The following LINS1 variants were observed in gnomAD, a reference collection of about 807,000 sequenced individuals.
The protein encoded by LINS1 is protein Lines homolog 1.
In LINS1, 27 loss-of-function variants were observed where a neutral mutation model predicts 41.6. The observed-to-expected ratio is 0.65, with a 90% CI of 0.48 to 0.89. LINS1 has a LOEUF of 0.89. Ranked by LOEUF, LINS1 falls within the 40% of genes least tolerant of loss-of-function variation. The probability of loss-of-function intolerance (pLI) is 0.00; values close to 1 mark genes in which losing one functional copy is unlikely to be tolerated. For synonymous variants in LINS1, 336 were observed against 312.9 expected (o/e 1.07, Z -0.78); for missense variants, 955 against 884.1 (o/e 1.08, Z -1.02).
intron 1 of LINS1, among the ~76,000 whole-genome samples, chr15:100,597,212 G>T (rs2039288767): frequency 6.6e-6 from 1 of 151,814 alleles, no homozygotes; most frequent in Non-Finnish European, 1.5e-5. Flanking sequence ...CTGGCCTACT[G>T]GCAACAGTAT....
intron 1 of LINS1, among the ~76,000 whole-genome samples, chr15:100,590,982 C>A (rs1189199048): frequency 6.6e-6 from 1 of 152,008 alleles, no homozygotes; most frequent in African/African-American, 2.4e-5. Context: ...AGTTTGAGAC[C>A]AGCCTGGCCA....
At position 100,580,270 on chromosome 15, in the gene LINS1, C is replaced by T; in HGVS notation, c.482G>A (p.Arg161Lys). Residue 161 changes from arginine (R) to lysine (K), a missense_variant, in exon 3 of 7, where the codon AGA becomes AAA. Physicochemically the swap from Arg to Lys is conservative, Grantham distance 26. Coordinates refer to ENST00000314742, the MANE Select transcript of LINS1 (RefSeq NM_001040616.3). ...TTTGATTACTTATCTTACCTTTTCT[C>T]TCAATTGGAAATATAGAAGCAATGC... ...CLALLLYFQL[R>K]EKITLSNSWI... 3 of 1,599,798 alleles carry T rather than the reference C, an allele frequency of 1.9e-6. No individual in the cohort carries two copies. Among genetic ancestry groups the T allele is most frequent in the Non-Finnish European group, 1.7e-6 (2 of 1,167,882 alleles).
chr15:100,579,818 G>C (rs1028122414), intron 3 of LINS1, among the ~76,000 whole-genome samples: 2 of 152,150 alleles, frequency 1.3e-5, no homozygotes, highest in Non-Finnish European at 1.5e-5. Flanking sequence ...TTTTTAGGGG[G>C]AAGGGGTCCA....
chr15:100,594,075 T>C (rs2039147300), intron 1 of LINS1, among the ~76,000 whole-genome samples: 1 of 152,214 alleles, frequency 6.6e-6, no homozygotes, highest in African/African-American at 2.4e-5. Context: ...AAAAATGGCA[T>C]AATATTTGCA....
intron 1 of LINS1, among the ~76,000 whole-genome samples, chr15:100,583,964 C>A (rs2038684677): frequency 6.6e-6 from 1 of 151,922 alleles, no homozygotes; most frequent in South Asian, 2.1e-4. Context: ...ATCACATGTT[C>A]AACTCTTTCA....
At chr15:100,580,123 G>T (rs1165920812) in intron 3 of LINS1, 140 bp downstream of exon 3, 3 of 680,590 alleles carry the variant, frequency 4.4e-6, no homozygotes, top group African/African-American at 3.6e-5. Context: ...ACTTTGGGAG[G>T]CTGAGGCAGG....
rs1397065515 is a variant in LINS1, at chr15:100,574,180, T to A, written c.693A>T (p.Leu231Phe). 13 of 1,613,508 alleles carry A rather than the reference T, an allele frequency of 8.1e-6. No individual in the cohort carries two copies. Among genetic ancestry groups the A allele is most frequent in the Non-Finnish European group, 1.0e-5 (12 of 1,179,640 alleles). The change falls in exon 5 of 7, where the codon TTA (leucine) becomes TTT (phenylalanine). Residue 231 changes from leucine (L) to phenylalanine (F), a missense_variant. Transcript: ENST00000314742. ...DTIFEVFYNS[L>F]FSQHFENCRD... ...GGCAGTTTTCAAAATGCTGAGAGAA[T>A]AAGGAATTGTAAAACACTTCAAAAA... is the stretch of plus-strand genomic sequence containing the variant.
chr15:100,580,153 AG>A, intron 3 of LINS1, 109 bp downstream of exon 3: 1 of 844,208 alleles, frequency 1.2e-6, no homozygotes, highest in Non-Finnish European at 1.9e-6. Flanking sequence ...TGAGCCCAGA[AG>A]TTTGAGATCA....
chr15:100,578,483 T>C (rs980795279), intron 3 of LINS1, among the ~76,000 whole-genome samples: 113 of 151,532 alleles, frequency 7.5e-4, no homozygotes, highest in Non-Finnish European at 1.3e-3. Flanking sequence ...AGATACCATC[T>C]CACACCAGTT....
intron 1 of LINS1, among the ~76,000 whole-genome samples, chr15:100,590,967 A>T (rs12439215): frequency 0.97 from 147,131 of 152,174 alleles, 71,464 homozygotes; most frequent in Non-Finnish European, 1. Flanking sequence ...TCACCTGAGG[A>T]CAGGAGTTTG....
chr15:100,569,790 G>C lies in LINS1; in HGVS notation c.1722C>G (p.Pro574=). 6.2e-7 allele frequency: 1 copy of C among 1,613,990 alleles called. No individual in the cohort carries two copies. Among genetic ancestry groups the C allele is most frequent in the Non-Finnish European group, 8.5e-7 (1 of 1,179,952 alleles). Residue 574 remains proline (P), a synonymous_variant, in exon 7 of 7, where the codon CCC becomes CCG. Transcript: ENST00000314742. ...GACTATGAGGAGCAGTCAAACGATG[G>C]GGTATTGTTTGGTTGGAGCTTTGGT... ...VQDQSSNQTI[P]HRLTAPHSHR...
chr15:100,589,577 C>T (rs1466842057), intron 1 of LINS1, among the ~76,000 whole-genome samples: 1 of 152,112 alleles, frequency 6.6e-6, no homozygotes, highest in Non-Finnish European at 1.5e-5. Context: ...GTCCTTAAAG[C>T]TTTTATTATT....
chr15:100,569,160 T>C lies in LINS1; in HGVS notation c.*78A>G. On this transcript the variant is annotated 3_prime_UTR_variant, in exon 7 of 7. Transcript: ENST00000314742. ...AAAAAAGAAAACCCTTTTATGGTGATGATTTTATACTATTACCTCATTGAG... is the reference window on the plus strand; with the variant it reads ...AAAAAAGAAAACCCTTTTATGGTGACGATTTTATACTATTACCTCATTGAG... The C allele has an allele frequency of 3.2e-6, 3 of 948,716 alleles. No homozygotes were observed. The highest frequency in any genetic ancestry group is 3.1e-5 in the South Asian group (2 of 64,800). 58.8% of individuals were successfully genotyped at this position (948,716 alleles called of 1,614,324 possible).
intron 1 of LINS1, among the ~76,000 whole-genome samples, chr15:100,584,908 G>A (rs1247762453): frequency 6.6e-6 from 1 of 152,188 alleles, no homozygotes; most frequent in African/African-American, 2.4e-5. Flanking sequence ...TGTTACAGCA[G>A]CTCACAGAAA....
intron 1 of LINS1, among the ~76,000 whole-genome samples, chr15:100,589,748 A>G (rs532361727): frequency 3.7e-4 from 56 of 152,338 alleles, no homozygotes; most frequent in African/African-American, 1.3e-3. Flanking sequence ...TGGTCACCTG[A>G]TGGGCCATTT....
chr15:100,581,466 C>A (rs561276596), intron 1 of LINS1, among the ~76,000 whole-genome samples: 1 of 152,264 alleles, frequency 6.6e-6, no homozygotes, highest in East Asian at 1.9e-4. Flanking sequence ...ACCTTCACCT[C>A]CAATTTATAG....
intron 3 of LINS1, among the ~76,000 whole-genome samples, chr15:100,577,811 C>T (rs553252442): frequency 1.3e-5 from 2 of 152,070 alleles, no homozygotes; most frequent in African/African-American, 2.4e-5. Flanking sequence ...ACATGGTACT[C>T]GTACCAAAAC....
At position 100,575,056 on chromosome 15, in the gene LINS1, T is replaced by C. The variant is rs143266633; in HGVS notation, c.562A>G (p.Ile188Val). 5.3e-5 allele frequency: 86 copies of C among 1,612,712 alleles called. 1 individual carries two copies. In the African/African-American group the frequency reaches 1.0e-3, roughly 19 times the overall value. The change falls in exon 4 of 7, where the codon ATA becomes GTA. Residue 188 changes from isoleucine (I) to valine (V), a missense_variant. Transcript: ENST00000314742. ...GCTGTAAGAGTCCAGAGGCAGTATATTGCTTTATTACTCTCAGAGTATTCA... is the reference window on the plus strand; with the variant it reads ...GCTGTAAGAGTCCAGAGGCAGTATACTGCTTTATTACTCTCAGAGTATTCA... ...LSEYSESNKA[I>V]YCLWTLTAII...
intron 3 of LINS1, among the ~76,000 whole-genome samples, chr15:100,577,751 T>C (rs570904808): frequency 0.011 from 1,622 of 152,234 alleles, 31 homozygotes; most frequent in African/African-American, 0.037. Flanking sequence ...GCTGGAGGCA[T>C]CACGCTACCT....
Sources: allele counts gnomAD v4.1 joint callset (sites outside exome capture counted in the v4.1 genomes callset), GRCh38; gene constraint gnomAD v4.1.1; transcripts MANE v1.5; gene names NCBI Gene and HGNC (gene_info 2026-07-23, HGNC 2026-07-21).